PDZD9: variants seen among roughly 807,000 people sequenced by gnomAD.
PDZD9 encodes the protein PDZ domain containing 9.
A neutral mutation model predicts 16.3 loss-of-function variants in PDZD9; 13 were observed. The observed-to-expected ratio is 0.80, with a 90% CI of 0.52 to 1.27. The LOEUF is 1.27. Among genes scored for constraint, PDZD9 ranks in the 50% most tolerant of loss-of-function variants. The pLI, the probability that PDZD9 is intolerant of heterozygous loss-of-function variation, is 0.00. For missense variants in PDZD9, 288 were observed against 310.9 expected, an observed-to-expected ratio of 0.93 and a Z score of 0.55; for synonymous variants, 120 against 111.0, an observed-to-expected ratio of 1.08 and a Z score of -0.51.
At chr16:21,960,517 G>T in the PDZD9 span, among the ~76,000 whole-genome samples, 1 of 152,182 alleles carries the variant, frequency 6.6e-6, no homozygotes, top group African/African-American at 2.4e-5. Flanking sequence ...TCATTTATGT[G>T]TTCAGTGGAG....
intron 2 of PDZD9, 23 bp from the exon 3 acceptor site, chr16:21,988,814 A>G (rs760253477): frequency 2.5e-6 from 4 of 1,568,876 alleles, no homozygotes; most frequent in Non-Finnish European, 3.5e-6. Flanking sequence ...AAAATTATGT[A>G]TCAGTAAAAC....
At chr16:21,973,050 A>G in the PDZD9 span, among the ~76,000 whole-genome samples, 1 of 152,256 alleles carries the variant, frequency 6.6e-6, no homozygotes, top group African/African-American at 2.4e-5. Flanking sequence ...CAGTAAGCTG[A>G]GATCGTGCCA....
the PDZD9 span, chr16:21,976,074 C>T: frequency 1.3e-6 from 1 of 779,436 alleles, no homozygotes; most frequent in Non-Finnish European, 2.2e-6. Context: ...ACTAACCTTC[C>T]ATCTGTGTTT....
At chr16:21,988,927 C>CAT in intron 2 of PDZD9, 136 bp from the exon 3 acceptor site, 1 of 598,316 alleles carries the variant, frequency 1.7e-6, no homozygotes, top group Non-Finnish European at 2.6e-6. Context: ...CAGGCTTCAG[C>CAT]CTTTTTTTTT....
intron 3 of PDZD9, among the ~76,000 whole-genome samples, chr16:21,988,045 A>G (rs964645034): frequency 1.7e-5 from 2 of 119,764 alleles, no homozygotes; most frequent in African/African-American, 3.2e-5. Flanking sequence ...GTCTCGCTCT[A>G]TCTCCAGGCT....
the PDZD9 span, chr16:21,965,440 C>T: frequency 8.7e-6 from 14 of 1,613,750 alleles, no homozygotes; most frequent in Middle Eastern, 1.6e-4. Flanking sequence ...AGCAGCTTAC[C>T]GGAATGCCTT....
chr16:21,965,509 C>G, the PDZD9 span: 2 of 1,563,014 alleles, frequency 1.3e-6, no homozygotes, highest in Non-Finnish European at 1.7e-6. Flanking sequence ...AGAGGAGGTA[C>G]CAATAAAACA....
At chr16:21,967,362 C>T in the PDZD9 span, among the ~76,000 whole-genome samples, 1 of 152,014 alleles carries the variant, frequency 6.6e-6, no homozygotes, top group East Asian at 1.9e-4. Context: ...CCATTTTTTT[C>T]TAAACCTCTT....
chr16:21,975,864 G>T, the PDZD9 span, among the ~76,000 whole-genome samples: 11 of 152,192 alleles, frequency 7.2e-5, no homozygotes, highest in Non-Finnish European at 1.3e-4. Flanking sequence ...GTTAAGGTGG[G>T]AGGATCACTT....
At chr16:21,987,595 T>G (rs1437534260) in intron 3 of PDZD9, among the ~76,000 whole-genome samples, 1 of 151,808 alleles carries the variant, frequency 6.6e-6, no homozygotes, top group African/African-American at 2.4e-5. Flanking sequence ...GCCTGGGAAG[T>G]GCTATTTCAA....
Position 21,984,347 on chromosome 16 carries a change from A to C in PDZD9, c.715T>G (p.Ser239Ala). ...TCCAGCCAAAATGCATCTGAGGTAG[A>C]GGAGGTAGAGGAGGAAGAGCTTTCA... is the stretch of plus-strand genomic sequence containing the variant. ...DNESSSSSTS[S>A]TSDAFWLEDC... The change falls in exon 4 of 4, where the codon TCT becomes GCT. Residue 239 changes from serine (S) to alanine (A), a missense_variant. Transcript: ENST00000424898. The C allele has an allele frequency of 6.2e-7, 1 of 1,613,948 alleles. No individual in the cohort carries two copies. Among genetic ancestry groups the C allele is most frequent in the Non-Finnish European group, 8.5e-7 (1 of 1,179,930 alleles).
intron 3 of PDZD9, among the ~76,000 whole-genome samples, chr16:21,988,017 T>C (rs1423453248): frequency 6.7e-6 from 1 of 149,126 alleles, no homozygotes; most frequent in African/African-American, 2.5e-5. Context: ...TTTTTTTTTT[T>C]TTTTTTTTTG....
the PDZD9 span, chr16:21,973,770 TA>T: frequency 1.3e-6 from 1 of 761,942 alleles, no homozygotes; most frequent in Non-Finnish European, 2.2e-6. Context: ...CAGAACTGGC[TA>T]AGTAAAATAT....
the PDZD9 span, among the ~76,000 whole-genome samples, chr16:21,972,976 T>C: frequency 2.0e-5 from 3 of 152,202 alleles, no homozygotes; most frequent in Non-Finnish European, 4.4e-5. Flanking sequence ...GGCGCACGCC[T>C]GTAGTCCCAG....
intron 2 of PDZD9, among the ~76,000 whole-genome samples, chr16:21,990,780 T>G (rs1413323728): frequency 6.6e-6 from 1 of 152,208 alleles, no homozygotes; most frequent in African/African-American, 2.4e-5. Flanking sequence ...GTGACTTTTA[T>G]CAAGAGGGCA....
At chr16:21,984,841 C>T (rs1898836608) in intron 3 of PDZD9, among the ~76,000 whole-genome samples, 181 bp from the exon 4 acceptor site, 1 of 152,144 alleles carries the variant, frequency 6.6e-6, no homozygotes, top group African/African-American at 2.4e-5. Context: ...TTTTCCATTT[C>T]TAAATGGAAA....
chr16:21,979,741 T>C (rs1393670130), downstream of PDZD9, among the ~76,000 whole-genome samples: 1 of 152,174 alleles, frequency 6.6e-6, no homozygotes, highest in Non-Finnish European at 1.5e-5. Flanking sequence ...ACTGTAAACA[T>C]AGGCTACGCT....
chr16:21,962,239 CAT>C, the PDZD9 span: 406 of 558,032 alleles, frequency 7.3e-4, 1 homozygote, highest in African/African-American at 6.7e-3. Flanking sequence ...TGTGTTGTAA[CAT>C]GTGACCAGAT....
chr16:21,984,724 CAA>C, intron 3 of PDZD9, 64 bp from the exon 4 acceptor site: 4 of 1,308,216 alleles, frequency 3.1e-6, no homozygotes, highest in Non-Finnish European at 4.0e-6. Flanking sequence ...GGTCCCCTAA[CAA>C]GATGCCTTAT....
Sources: gnomAD v4.1 joint callset for allele counts (sites outside exome capture counted in the v4.1 genomes callset) on GRCh38, gnomAD v4.1.1 for gene constraint, MANE v1.5 for transcripts, NCBI Gene and HGNC (gene_info 2026-07-23, HGNC 2026-07-21) for gene names.